The following EDIL3 variants were observed in gnomAD, a reference collection of about 807,000 sequenced individuals.
EDIL3 encodes the protein EGF-like repeat and discoidin I-like domain-containing protein 3.
In EDIL3, 37 loss-of-function variants were observed where a neutral mutation model predicts 67.4. That is an observed-to-expected ratio of 0.55 (90% CI 0.42 to 0.72). The LOEUF (loss-of-function observed/expected upper bound fraction) is 0.72, where lower values mean the gene tolerates loss of function less well. Among genes scored for constraint, EDIL3 ranks in the 30% least tolerant of loss-of-function variants. EDIL3 has a pLI of 0.00. For synonymous variants in EDIL3, 195 were observed against 196.3 expected, an observed-to-expected ratio of 0.99 and a Z score of 0.05; for missense variants, 527 against 586.3, an observed-to-expected ratio of 0.90 and a Z score of 1.04.
intron 4 of EDIL3, among the ~76,000 whole-genome samples, chr5:84,145,146 A>C (rs1460127276): frequency 6.6e-6 from 1 of 152,144 alleles, no homozygotes; most frequent in Non-Finnish European, 1.5e-5. Context: ...ATATGGTGAA[A>C]TATGTGCTTT....
At chr5:84,366,649 G>T (rs1747742492) in intron 1 of EDIL3, among the ~76,000 whole-genome samples, 1 of 152,084 alleles carries the variant, frequency 6.6e-6, no homozygotes, top group South Asian at 2.1e-4. Flanking sequence ...TATCAGAAAT[G>T]ATAAATTATC....
At chr5:84,194,163 A>C (rs1743647892) in intron 3 of EDIL3, among the ~76,000 whole-genome samples, 1 of 151,978 alleles carries the variant, frequency 6.6e-6, no homozygotes, top group African/African-American at 2.4e-5. Flanking sequence ...AAGGAAAGAC[A>C]GTAAAAGAGT....
intron 1 of EDIL3, among the ~76,000 whole-genome samples, chr5:84,308,347 G>T (rs1381081362): frequency 6.6e-6 from 1 of 152,188 alleles, no homozygotes; most frequent in Non-Finnish European, 1.5e-5. Context: ...CTGGTATCTG[G>T]AATCTGGAAG....
intron 9 of EDIL3, among the ~76,000 whole-genome samples, chr5:84,032,853 A>G (rs1399708798): frequency 2.0e-5 from 3 of 152,220 alleles, no homozygotes; most frequent in Non-Finnish European, 4.4e-5. Context: ...CATCAAAAAT[A>G]AAATATTTTG....
chr5:84,030,174 T>C (rs569934758), intron 9 of EDIL3, among the ~76,000 whole-genome samples: 4 of 152,234 alleles, frequency 2.6e-5, no homozygotes, highest in Non-Finnish European at 5.9e-5. Flanking sequence ...ACACTAGTTA[T>C]GGTACAAAGA....
intron 4 of EDIL3, among the ~76,000 whole-genome samples, chr5:84,147,133 G>A (rs892809189): frequency 2.6e-5 from 4 of 151,634 alleles, no homozygotes; most frequent in Non-Finnish European, 5.9e-5. Context: ...TTCCCAAAGA[G>A]TTTATTTTTG....
chr5:84,306,474 AG>A (rs768390943), intron 1 of EDIL3, among the ~76,000 whole-genome samples: 1 of 152,252 alleles, frequency 6.6e-6, no homozygotes, highest in Admixed American at 6.5e-5. Flanking sequence ...TGAACTAAAT[AG>A]AATTTTCCCT....
At chr5:84,019,770 C>A (rs559462632) in intron 9 of EDIL3, among the ~76,000 whole-genome samples, 7 of 152,088 alleles carry the variant, frequency 4.6e-5, no homozygotes, top group African/African-American at 1.7e-4. Context: ...ATAGGCAAGA[C>A]CTGTTTTCTA....
rs70975548 is a variant in EDIL3 at position 84,252,493 on chromosome 5, C to CAAAAAAAAAAAAAAAAAAAAAAAAAAAAA, written c.196+1590_196+1591insTTTTTTTTTTTTTTTTTTTTTTTTTTTTT. ...TGTGCGACAAAGTGAGACTCCGTCT[C>CAAAAAAAAAAAAAAAAAAAAAAAAAAAAA]AAAAAAAAAAAAAAAAAAAAAAAAA... On this transcript the variant is annotated intron_variant, in intron 2 of 10. Transcript: ENST00000296591. Among the ~76,000 whole-genome samples, 45 of 28,946 alleles carry CAAAAAAAAAAAAAAAAAAAAAAAAAAAAA rather than the reference C, an allele frequency of 1.6e-3. 9 individuals are homozygous for CAAAAAAAAAAAAAAAAAAAAAAAAAAAAA. The highest frequency in any genetic ancestry group is 5.5e-3 in the East Asian group (2 of 366). The allele number at this position is 28,946 out of a possible 152,430, so 19.0% of individuals were successfully genotyped here.
chr5:84,374,636 CAAATATTATCCCA>C (rs1225796292), intron 1 of EDIL3, among the ~76,000 whole-genome samples: 1 of 152,166 alleles, frequency 6.6e-6, no homozygotes, highest in Non-Finnish European at 1.5e-5. Context: ...GGTCCCCACC[CAAATATTATCCCA>C]AATTGCAATC....
intron 6 of EDIL3, among the ~76,000 whole-genome samples, chr5:84,093,354 T>C (rs1359799253): frequency 1.3e-5 from 2 of 152,196 alleles, no homozygotes; most frequent in Non-Finnish European, 2.9e-5. Context: ...ACAATGACTA[T>C]AAAGGTATTT....
chr5:84,202,650 T>A (rs1013008412), intron 3 of EDIL3, among the ~76,000 whole-genome samples: 2 of 152,112 alleles, frequency 1.3e-5, no homozygotes, highest in African/African-American at 4.8e-5. Flanking sequence ...AGAGAGGGAA[T>A]ATTTGAGAGC....
chr5:84,315,527 C>A (rs187830271), intron 1 of EDIL3, among the ~76,000 whole-genome samples: 14 of 152,066 alleles, frequency 9.2e-5, no homozygotes, highest in African/African-American at 3.4e-4. Context: ...TTGATTTTAG[C>A]GTATCAGTGA....
intron 9 of EDIL3, among the ~76,000 whole-genome samples, chr5:84,012,773 T>C (rs990553043): frequency 3.9e-5 from 6 of 152,018 alleles, no homozygotes; most frequent in Admixed American, 6.6e-5. Context: ...TACTAAACTA[T>C]TGAAAGAGAT....
chr5:84,015,122 T>C lies in EDIL3; in HGVS notation c.1137+45178A>G, dbSNP rs1044018457. Among the ~76,000 whole-genome samples, 6 of 152,306 alleles carry C rather than the reference T, an allele frequency of 3.9e-5. No homozygotes were observed. In the East Asian group the frequency reaches 1.2e-3, roughly 29 times the overall value. On this transcript the variant is annotated intron_variant, in intron 9 of 10. Coordinates refer to ENST00000296591, the MANE Select transcript of EDIL3 (RefSeq NM_005711.5). ...GAGTAATTTAAGTATGTGGTCCACT[T>C]GGGACATAACAGGGTATAGCTAGTG...
intron 8 of EDIL3, among the ~76,000 whole-genome samples, chr5:84,062,846 T>A (rs1746569486): frequency 6.6e-6 from 1 of 152,120 alleles, no homozygotes; most frequent in South Asian, 2.1e-4. Context: ...CCACAAATTT[T>A]ACTTCTTATC....
intron 10 of EDIL3, among the ~76,000 whole-genome samples, chr5:83,947,620 C>T (rs1009819759): frequency 3.3e-5 from 5 of 151,734 alleles, no homozygotes; most frequent in Non-Finnish European, 7.4e-5. Context: ...AATAACTTTT[C>T]CCTCTAATAT....
chr5:84,266,874 T>A (rs1242753960), intron 1 of EDIL3, among the ~76,000 whole-genome samples: 2 of 152,194 alleles, frequency 1.3e-5, no homozygotes, highest in African/African-American at 4.8e-5. Context: ...TTTTATCATT[T>A]TATAGTAACA....
At chr5:83,953,349 A>G (rs1011038243) in intron 10 of EDIL3, among the ~76,000 whole-genome samples, 1 of 151,804 alleles carries the variant, frequency 6.6e-6, no homozygotes, top group African/African-American at 2.4e-5. Context: ...CTTTGGGATA[A>G]GCTAAATTTT....
Sources: allele counts gnomAD v4.1 joint callset (sites outside exome capture counted in the v4.1 genomes callset), GRCh38; gene constraint gnomAD v4.1.1; transcripts MANE v1.5; gene names NCBI Gene and HGNC (gene_info 2026-07-23, HGNC 2026-07-21).